The following SLC26A3 variants were observed in gnomAD, a reference collection of about 807,000 sequenced individuals.
SLC26A3 encodes the protein chloride anion exchanger.
SLC26A3 carries 64 observed loss-of-function variants against 85.6 expected under a neutral mutation model. The ratio of observed to expected loss-of-function variants is 0.75; its 90% CI spans 0.61 to 0.92. The LOEUF (loss-of-function observed/expected upper bound fraction) is 0.92, where lower values mean the gene tolerates loss of function less well. Among genes scored for constraint, SLC26A3 ranks in the 40% least tolerant of loss-of-function variants. The pLI is 0.00. For missense variants in SLC26A3, 922 were observed against 927.3 expected (o/e 0.99, Z 0.07); for synonymous variants, 349 against 336.0 (o/e 1.04, Z -0.42).
chr7:107,792,390 T>C (rs1794417504), intron 3 of SLC26A3, among the ~76,000 whole-genome samples: 1 of 151,958 alleles, frequency 6.6e-6, no homozygotes, highest in Admixed American at 6.6e-5. Flanking sequence ...TGAGCTTGTT[T>C]TCCTGCAACT....
At chr7:107,767,710 T>G in intron 19 of SLC26A3, 56 bp downstream of exon 19, 1 of 1,610,110 alleles carries the variant, frequency 6.2e-7, no homozygotes, top group South Asian at 1.1e-5. Context: ...AAAGAGAAAT[T>G]TAAGGAGTGC....
At chr7:107,776,824 G>T in intron 13 of SLC26A3, 118 bp from the exon 14 acceptor site, 1 of 906,308 alleles carries the variant, frequency 1.1e-6, no homozygotes, top group East Asian at 2.5e-5. Flanking sequence ...TAAAAGGTTG[G>T]GGAATCATCA....
At chr7:107,800,981 G>T (rs985578360) in intron 1 of SLC26A3, among the ~76,000 whole-genome samples, 1 of 152,218 alleles carries the variant, frequency 6.6e-6, no homozygotes, top group Non-Finnish European at 1.5e-5. Flanking sequence ...AACCATTAGA[G>T]AAATGTTGGG....
chr7:107,766,434 A>G (rs1386387297), intron 20 of SLC26A3, among the ~76,000 whole-genome samples: 3 of 152,040 alleles, frequency 2.0e-5, no homozygotes, highest in African/African-American at 7.3e-5. Context: ...CTTATAAGGT[A>G]CTCAGGCAAG....
At chr7:107,796,161 G>T (rs78797432) in intron 1 of SLC26A3, among the ~76,000 whole-genome samples, 2 of 152,002 alleles carry the variant, frequency 1.3e-5, no homozygotes, top group African/African-American at 4.8e-5. Context: ...GGGGTAGAGT[G>T]CAGTGGTGCA....
chr7:107,793,636 G>A, intron 3 of SLC26A3, 106 bp downstream of exon 3: 1 of 842,258 alleles, frequency 1.2e-6, no homozygotes, highest in African/African-American at 1.7e-5. Flanking sequence ...GAATTAGATA[G>A]TGGTGACAGA....
At chr7:107,800,589 C>A (rs540545115) in intron 1 of SLC26A3, among the ~76,000 whole-genome samples, 5 of 152,346 alleles carry the variant, frequency 3.3e-5, no homozygotes, top group African/African-American at 1.2e-4. Context: ...ACTGAGTTTC[C>A]CAAGGGCAAG....
intron 5 of SLC26A3, among the ~76,000 whole-genome samples, chr7:107,790,421 G>C (rs1242904504): frequency 6.6e-6 from 1 of 152,190 alleles, no homozygotes; most frequent in Non-Finnish European, 1.5e-5. Context: ...TTATGTCCTT[G>C]TAGAAACTGA....
At chr7:107,802,593 C>T (rs916094319) in intron 1 of SLC26A3, among the ~76,000 whole-genome samples, 1 of 151,928 alleles carries the variant, frequency 6.6e-6, no homozygotes, top group Admixed American at 6.6e-5. Context: ...ACCTCAAACT[C>T]TTGGGCTAAG....
chr7:107,771,373 A>G (rs139810996), intron 18 of SLC26A3, among the ~76,000 whole-genome samples: 153 of 152,314 alleles, frequency 1.0e-3, no homozygotes, highest in African/African-American at 3.6e-3. Context: ...TTCATTAACA[A>G]GTAGATGCAC....
chr7:107,788,289 C>T (rs1228703845), intron 6 of SLC26A3, among the ~76,000 whole-genome samples: 1 of 152,164 alleles, frequency 6.6e-6, no homozygotes, highest in African/African-American at 2.4e-5. Context: ...ATATTTGACT[C>T]AAGTATTTTC....
chr7:107,787,597 T>A, intron 6 of SLC26A3, 88 bp from the exon 7 acceptor site: 1 of 1,188,170 alleles, frequency 8.4e-7, no homozygotes, highest in South Asian at 1.3e-5. Flanking sequence ...AAAATAAACA[T>A]GGAAGCAAAA....
Position 107,793,782 on chromosome 7 carries a change from A to T in SLC26A3, c.231T>A (p.Ile77=), listed in dbSNP as rs771512079. Residue 77 remains isoleucine, a synonymous_variant, in exon 3 of 21, where the codon ATT becomes ATA. Coordinates refer to ENST00000340010, the MANE Select transcript of SLC26A3 (RefSeq NM_000111.3). ...CAATCCCTGTGCTGATACCAGAAAC[A>T]ATATCACTGAGCAACCATTCTTTAA... ...YRLKEWLLSD[I]VSGISTGIVA... is the part of the protein sequence containing the mutation. 2 of 1,614,046 alleles carry T rather than the reference A, an allele frequency of 1.2e-6. No individual in the cohort carries two copies. Among genetic ancestry groups the T allele is most frequent in the Non-Finnish European group, 1.7e-6 (2 of 1,179,998 alleles).
At chr7:107,774,924 A>G (rs982511348) in intron 15 of SLC26A3, 52 bp from the exon 16 acceptor site, 7 of 1,327,976 alleles carry the variant, frequency 5.3e-6, no homozygotes, top group Non-Finnish European at 7.6e-6. Flanking sequence ...TGTTATTTAT[A>G]TAGCATAGTT....
intron 1 of SLC26A3, among the ~76,000 whole-genome samples, chr7:107,797,801 C>T (rs1269319509): frequency 2.2e-5 from 3 of 139,376 alleles, no homozygotes; most frequent in East Asian, 2.1e-4. Flanking sequence ...GGCGAGATCT[C>T]GGCTCATCTT....
chr7:107,801,835 T>G (rs549783678), intron 1 of SLC26A3, among the ~76,000 whole-genome samples: 2 of 151,648 alleles, frequency 1.3e-5, no homozygotes, highest in Admixed American at 6.6e-5. Flanking sequence ...ATCCTAGCAC[T>G]TTGGGAGACT....
At chr7:107,791,556 G>T (rs1179026683) in intron 4 of SLC26A3, among the ~76,000 whole-genome samples, 1 of 152,002 alleles carries the variant, frequency 6.6e-6, no homozygotes, top group African/African-American at 2.4e-5. Flanking sequence ...AGGTTGCAGT[G>T]AGCTGAGATC....
chr7:107,787,845 C>T (rs144905680), intron 6 of SLC26A3, among the ~76,000 whole-genome samples: 1 of 152,204 alleles, frequency 6.6e-6, no homozygotes, highest in East Asian at 1.9e-4. Flanking sequence ...TCTCTTTGGT[C>T]GTCATTTTTT....
intron 15 of SLC26A3, chr7:107,776,132 C>A (rs1040585048): frequency 7.8e-6 from 3 of 383,908 alleles, no homozygotes; most frequent in Non-Finnish European, 1.5e-5. Context: ...GAAGTTGATG[C>A]CCAAAGAAAA....
Sources: gnomAD v4.1 joint callset for allele counts (sites outside exome capture counted in the v4.1 genomes callset) on GRCh38, gnomAD v4.1.1 for gene constraint, MANE v1.5 for transcripts, NCBI Gene and HGNC (gene_info 2026-07-23, HGNC 2026-07-21) for gene names.